The following WDR25 variants were observed in gnomAD, a reference collection of about 807,000 sequenced individuals.
WDR25 encodes WD repeat-containing protein 25.
A neutral mutation model predicts 47.7 loss-of-function variants in WDR25; 35 were observed. The ratio of observed to expected loss-of-function variants is 0.73; its 90% CI spans 0.56 to 0.97. WDR25 has a LOEUF of 0.97. Among genes scored for constraint, WDR25 ranks in the 50% least tolerant of loss-of-function variants. The pLI is 0.00. For missense variants in WDR25, 634 were observed against 704.7 expected, an observed-to-expected ratio of 0.90 and a Z score of 1.14; for synonymous variants, 248 against 278.9, an observed-to-expected ratio of 0.89 and a Z score of 1.10.
At chr14:100,412,049 T>C (rs61558317) in intron 2 of WDR25, among the ~76,000 whole-genome samples, 28,835 of 151,698 alleles carry the variant, frequency 0.19, 2,869 homozygotes, top group Non-Finnish European at 0.21. Context: ...CTACAAAAAA[T>C]AGAAAAAATT....
intron 2 of WDR25, among the ~76,000 whole-genome samples, chr14:100,443,609 C>T (rs971174020): frequency 1.3e-5 from 2 of 152,190 alleles, no homozygotes; most frequent in South Asian, 2.1e-4. Flanking sequence ...CTCCTTTTCC[C>T]CAAAGCTTTT....
At chr14:100,454,201 G>A (rs1009526589) in intron 2 of WDR25, among the ~76,000 whole-genome samples, 6 of 152,150 alleles carry the variant, frequency 3.9e-5, no homozygotes, top group African/African-American at 7.2e-5. Context: ...AGTGTTCCCA[G>A]GTTCTCTGCA....
Position 100,467,999 on chromosome 14 carries a change from T to G in WDR25, c.823-22T>G, listed in dbSNP as rs77046356. On this transcript the variant is annotated intron_variant, in intron 2 of 6. Transcript: ENST00000402312. ...ATCAGGCCCTTGTTGTGACACCTGG[T>G]GCTGTCTGTGTTTGCCTGCAGGTAT... is the stretch of plus-strand genomic sequence containing the variant. 0.017 allele frequency: 26,746 copies of G among 1,611,506 alleles called. 298 individuals are homozygous for G. Among genetic ancestry groups the G allele is most frequent in the Middle Eastern group, 0.02 (102 of 5,028 alleles).
intron 2 of WDR25, among the ~76,000 whole-genome samples, chr14:100,441,185 A>G (rs1898657332): frequency 6.6e-6 from 1 of 151,930 alleles, no homozygotes. Flanking sequence ...CATAGGAGGC[A>G]CTCTGTTCAT....
At position 100,380,950 on chromosome 14, in the gene WDR25, T is replaced by C; in HGVS notation, c.26T>C (p.Met9Thr). The change falls in exon 2 of 7, where the codon ATG becomes ACG. Residue 9 changes from methionine to threonine, a missense_variant. Transcript: ENST00000402312. MTARTLSL[M>T]ASLVAYDDSD... ...ATGACAGCAAGAACTCTGTCTTTAA[T>C]GGCTTCATTGGTAGCGTATGATGAT... 6.2e-7 allele frequency: 1 copy of C among 1,613,924 alleles called. No individual in the cohort carries two copies. The highest frequency in any genetic ancestry group is 8.5e-7 in the Non-Finnish European group (1 of 1,179,764).
intron 3 of WDR25, among the ~76,000 whole-genome samples, chr14:100,476,908 C>T (rs1336393875): frequency 2.0e-5 from 3 of 152,178 alleles, no homozygotes; most frequent in Non-Finnish European, 4.4e-5. Flanking sequence ...TTTCATGTGG[C>T]CTGGACGAAA....
chr14:100,479,634 A>G (rs1900133814), intron 3 of WDR25, among the ~76,000 whole-genome samples: 1 of 152,212 alleles, frequency 6.6e-6, no homozygotes, highest in Non-Finnish European at 1.5e-5. Context: ...ATAATTTAAA[A>G]AGTTATCTTA....
intron 2 of WDR25, among the ~76,000 whole-genome samples, chr14:100,395,957 C>T (rs950291226): frequency 6.6e-6 from 1 of 151,540 alleles, no homozygotes; most frequent in Non-Finnish European, 1.5e-5. Flanking sequence ...GATGATTGTT[C>T]CACATCTGTG....
chr14:100,520,582 G>A (rs2029867800), intron 4 of WDR25, among the ~76,000 whole-genome samples: 1 of 152,170 alleles, frequency 6.6e-6, no homozygotes, highest in African/African-American at 2.4e-5. Context: ...TGTGATTGGC[G>A]ACTTCTGCTT....
At chr14:100,395,957 C>A (rs950291226) in intron 2 of WDR25, among the ~76,000 whole-genome samples, 1 of 151,656 alleles carries the variant, frequency 6.6e-6, no homozygotes, top group South Asian at 2.1e-4. Context: ...GATGATTGTT[C>A]CACATCTGTG....
At position 100,525,709 on chromosome 14, in the gene WDR25, A is replaced by G. The variant is rs1029400135; in HGVS notation, c.1102-161A>G. 1.4e-4 allele frequency among the ~76,000 whole-genome samples: 21 copies of G among 152,146 alleles called. No homozygotes were observed. The highest frequency in any genetic ancestry group is 1.3e-4 in the Non-Finnish European group (9 of 68,028). Reference sequence around the variant, plus strand: ...GACTGGGCATGGGGCAGGAGGGTCCATGATTCCATATATGGCTTGTGGGTG... The same window carrying G: ...GACTGGGCATGGGGCAGGAGGGTCCGTGATTCCATATATGGCTTGTGGGTG... On this transcript the variant is annotated intron_variant, in intron 4 of 6. Transcript: ENST00000402312. This position sits in a 1 kb window ranked among gnomAD's most constrained non-coding sequence, Gnocchi z 4.6.
chr14:100,528,067 G>A lies in WDR25; in HGVS notation c.1273-1001G>A, dbSNP rs558635218. Among the ~76,000 whole-genome samples the A allele has an allele frequency of 3.1e-4, 47 of 152,220 alleles. 1 individual carries two copies. The highest frequency in any genetic ancestry group is 9.9e-4 in the African/African-American group (41 of 41,530). ...GCATTTTGGCTGTGTGGGTCCCTGG[G>A]CTGGGCTGGGCTGTCCCTGAGGGCT... On this transcript the variant is annotated intron_variant, in intron 5 of 6. Coordinates refer to ENST00000402312, the MANE Select transcript of WDR25 (RefSeq NM_001161476.3).
At chr14:100,394,973 AAAC>A (rs1434734891) in intron 2 of WDR25, among the ~76,000 whole-genome samples, 3 of 152,144 alleles carry the variant, frequency 2.0e-5, no homozygotes, top group Non-Finnish European at 4.4e-5. Context: ...TCTCAAAAAA[AAAC>A]AACAACAATG....
intron 4 of WDR25, among the ~76,000 whole-genome samples, chr14:100,497,898 G>A (rs969518300): frequency 2.0e-5 from 3 of 152,152 alleles, no homozygotes; most frequent in Admixed American, 6.5e-5. Context: ...CCGGTGGGAT[G>A]CGAGCCCTGT....
intron 4 of WDR25, among the ~76,000 whole-genome samples, chr14:100,497,377 T>C (rs1900767261): frequency 1.3e-5 from 2 of 152,222 alleles, no homozygotes; most frequent in African/African-American, 4.8e-5. Context: ...TTCAGTTCTG[T>C]GACTTTTTTT....
At chr14:100,459,420 G>A (rs535111945) in intron 2 of WDR25, among the ~76,000 whole-genome samples, 5 of 152,204 alleles carry the variant, frequency 3.3e-5, no homozygotes, top group Non-Finnish European at 5.9e-5. Flanking sequence ...TTGAATACTC[G>A]CTAGTGAATT....
At chr14:100,486,518 T>C (rs1385318928) in intron 4 of WDR25, among the ~76,000 whole-genome samples, 1 of 152,006 alleles carries the variant, frequency 6.6e-6, no homozygotes, top group African/African-American at 2.4e-5. Context: ...TTTGCATCAG[T>C]TGGGCTCAGG....
At chr14:100,479,761 A>G (rs144808420) in intron 3 of WDR25, among the ~76,000 whole-genome samples, 2,276 of 152,206 alleles carry the variant, frequency 0.015, 58 homozygotes, top group African/African-American at 0.052. Flanking sequence ...CCTGTTAGGA[A>G]CCAGACCACA....
At position 100,498,987 on chromosome 14, in the gene WDR25, A is replaced by G. The variant is rs1209285525; in HGVS notation, c.1101+14863A>G. On this transcript the variant is annotated intron_variant, in intron 4 of 6. Transcript: ENST00000402312. This position sits in a 1 kb window ranked among gnomAD's most constrained non-coding sequence, Gnocchi z 4.2. ...GCAAGCAGGGTGTAGGGGTAGAGGC[A>G]AAAAAGGGCCTTGGAGACCTGGAGA... Among the ~76,000 whole-genome samples the G allele has an allele frequency of 1.3e-5, 2 of 152,120 alleles. No homozygotes were observed. The highest frequency in any genetic ancestry group is 6.5e-5 in the Admixed American group (1 of 15,272).
Sources: allele counts gnomAD v4.1 joint callset (sites outside exome capture counted in the v4.1 genomes callset), GRCh38; gene constraint gnomAD v4.1.1; non-coding constraint Gnocchi (gnomAD v3.1); transcripts MANE v1.5; gene names NCBI Gene and HGNC (gene_info 2026-07-23, HGNC 2026-07-21).